CLVS1: variants seen among roughly 807,000 people sequenced by gnomAD.
CLVS1 encodes the protein clavesin 1.
CLVS1 carries 10 observed loss-of-function variants against 33.1 expected under a neutral mutation model. The ratio of observed to expected loss-of-function variants is 0.30; its 90% confidence interval spans 0.19 to 0.51. The LOEUF is 0.51. CLVS1 is among the 20% of genes least tolerant of loss of function. CLVS1 has a pLI of 0.97. For missense variants in CLVS1, 343 were observed against 433.4 expected, an observed-to-expected ratio of 0.79 and a Z score of 1.85; for synonymous variants, 163 against 166.1, an observed-to-expected ratio of 0.98 and a Z score of 0.14.
At chr8:60,983,699 G>C in the CLVS1 span, among the ~76,000 whole-genome samples, 1 of 152,170 alleles carries the variant, frequency 6.6e-6, no homozygotes, top group Non-Finnish European at 1.5e-5. Flanking sequence ...GCATATCCAG[G>C]TGCCTTGGCA....
chr8:61,490,207 C>T (rs770259897), intron 5 of CLVS1, among the ~76,000 whole-genome samples: 5 of 151,186 alleles, frequency 3.3e-5, no homozygotes, highest in Admixed American at 6.6e-5. Context: ...CCCAGCTACT[C>T]GGTTGGTTGA....
chr8:61,477,441 G>T (rs1817995252), intron 5 of CLVS1, among the ~76,000 whole-genome samples: 1 of 152,130 alleles, frequency 6.6e-6, no homozygotes, highest in African/African-American at 2.4e-5. Context: ...GACTTCTTTT[G>T]GTTGCTATGC....
chr8:61,242,664 CT>C (rs1465596835), intron 2 of CLVS1, among the ~76,000 whole-genome samples: 1 of 151,988 alleles, frequency 6.6e-6, no homozygotes, highest in Non-Finnish European at 1.5e-5. Context: ...TGACACATGC[CT>C]GTAGTCCCAG....
intron 3 of CLVS1, among the ~76,000 whole-genome samples, chr8:61,428,150 G>A (rs897355770): frequency 1.3e-5 from 2 of 152,338 alleles, no homozygotes; most frequent in Middle Eastern, 3.4e-3. Context: ...ATTTGTAGTC[G>A]TCCCTAAGAT....
At chr8:61,027,966 A>ATT in the CLVS1 span, among the ~76,000 whole-genome samples, 1 of 152,184 alleles carries the variant, frequency 6.6e-6, no homozygotes, top group African/African-American at 2.4e-5. Context: ...TCAAGAGAAT[A>ATT]TTTTCATGGT....
At chr8:60,995,031 T>C in the CLVS1 span, among the ~76,000 whole-genome samples, 1 of 151,838 alleles carries the variant, frequency 6.6e-6, no homozygotes, top group African/African-American at 2.4e-5. Flanking sequence ...ATTAAAGACT[T>C]AAACGTTAGA....
intron 2 of CLVS1, among the ~76,000 whole-genome samples, chr8:61,268,118 A>C (rs1809350567): frequency 2.7e-5 from 4 of 150,364 alleles, no homozygotes; most frequent in South Asian, 2.2e-4. Context: ...TGCACCCACT[A>C]ACTCATCATC....
chr8:61,407,419 T>C (rs887054680), intron 3 of CLVS1, among the ~76,000 whole-genome samples: 10 of 152,350 alleles, frequency 6.6e-5, no homozygotes, highest in Admixed American at 2.6e-4. Context: ...ATATTGTAAA[T>C]GTAATCTTGT....
At chr8:61,255,586 T>A (rs1051678741) in intron 2 of CLVS1, among the ~76,000 whole-genome samples, 11 of 152,206 alleles carry the variant, frequency 7.2e-5, no homozygotes, top group Admixed American at 2.0e-4. Flanking sequence ...CTTTATGAGC[T>A]TCTCATTATC....
At chr8:61,011,106 C>T in the CLVS1 span, among the ~76,000 whole-genome samples, 13 of 152,208 alleles carry the variant, frequency 8.5e-5, no homozygotes, top group Admixed American at 3.3e-4. Flanking sequence ...GTCCTTTCTA[C>T]TTCTTCATGG....
intron 3 of CLVS1, among the ~76,000 whole-genome samples, chr8:61,434,987 G>T (rs1173324462): frequency 2.0e-5 from 3 of 152,182 alleles, no homozygotes; most frequent in African/African-American, 7.2e-5. Flanking sequence ...GTGTCACAAT[G>T]TTATGCCAGA....
chr8:61,065,287 G>C (rs1804655716), intron 1 of CLVS1, among the ~76,000 whole-genome samples: 1 of 152,100 alleles, frequency 6.6e-6, no homozygotes, highest in Non-Finnish European at 1.5e-5. Context: ...ATTTTCTAGG[G>C]AAAAATGACA....
At chr8:61,384,934 A>G (rs1172173726) in intron 3 of CLVS1, among the ~76,000 whole-genome samples, 1 of 152,124 alleles carries the variant, frequency 6.6e-6, no homozygotes, top group Non-Finnish European at 1.5e-5. Context: ...GACAGAAACT[A>G]AGGAACTGGG....
In CLVS1 at chr8:61,256,265, A is replaced by G. The variant is rs139004306; in HGVS notation, c.-151-43412A>G. 5.9e-3 allele frequency among the ~76,000 whole-genome samples: 905 copies of G among 152,362 alleles called. 11 individuals are homozygous for G. The highest frequency in any genetic ancestry group is 0.02 in the African/African-American group (846 of 41,580). On this transcript the variant is annotated intron_variant, in intron 2 of 2. Coordinates refer to the CLVS1 transcript ENST00000522621. ...CGCGGTGGCTCACGCCTGTAATCCCAGCACCTTGGGAGGCCGAAGCGGGCA... is the reference window on the plus strand; with the variant it reads ...CGCGGTGGCTCACGCCTGTAATCCCGGCACCTTGGGAGGCCGAAGCGGGCA...
intron 3 of CLVS1, among the ~76,000 whole-genome samples, chr8:61,390,645 A>T (rs1234085540): frequency 1.3e-5 from 2 of 152,172 alleles, no homozygotes; most frequent in Non-Finnish European, 2.9e-5. Flanking sequence ...ATTACTAGTG[A>T]GGTGGGACAA....
chr8:61,403,500 G>A (rs887687502), intron 3 of CLVS1, among the ~76,000 whole-genome samples: 11 of 152,138 alleles, frequency 7.2e-5, no homozygotes, highest in African/African-American at 2.7e-4. Context: ...TTATTTTAGT[G>A]GCTGAGATTG....
chr8:61,258,770 C>T (rs1420358608), intron 2 of CLVS1, among the ~76,000 whole-genome samples: 4 of 152,174 alleles, frequency 2.6e-5, no homozygotes, highest in Non-Finnish European at 5.9e-5. Flanking sequence ...TAGATTAGAA[C>T]TTCCATCTAC....
At chr8:61,138,602 C>CTTGGAGATTTCTCAACTA in intron 2 of CLVS1, among the ~76,000 whole-genome samples, 1 of 147,410 alleles carries the variant, frequency 6.8e-6, no homozygotes, top group African/African-American at 2.5e-5. Context: ...GGAGGTTGAT[C>CTTGGAGATTTCTCAACTA]AGAAGCAGGA....
intron 2 of CLVS1, among the ~76,000 whole-genome samples, chr8:61,267,984 T>G (rs1027811671): frequency 6.6e-5 from 10 of 152,216 alleles, no homozygotes; most frequent in Non-Finnish European, 1.5e-4. Context: ...TCATGGGCCC[T>G]GCTGGATACT....
Sources: gnomAD v4.1 joint callset for allele counts (sites outside exome capture counted in the v4.1 genomes callset) on GRCh38, gnomAD v4.1.1 for gene constraint, MANE v1.5 for transcripts, NCBI Gene and HGNC (gene_info 2026-07-23, HGNC 2026-07-21) for gene names.